The following GIPC2 variants were observed in gnomAD, a reference collection of about 807,000 sequenced individuals.
GIPC2 encodes the protein PDZ domain-containing protein GIPC2.
Under a neutral mutation model 30.6 loss-of-function variants are expected in GIPC2, and 30 were observed. The ratio of observed to expected loss-of-function variants is 0.98; its 90% CI spans 0.73 to 1.33. The LOEUF (loss-of-function observed/expected upper bound fraction) is 1.33, where lower values mean the gene tolerates loss of function less well. Among genes scored for constraint, GIPC2 ranks in the 40% most tolerant of loss-of-function variants. The probability of loss-of-function intolerance (pLI) is 0.00; values close to 1 mark genes in which losing one functional copy is unlikely to be tolerated. For missense variants in GIPC2, 414 were observed against 390.3 expected (o/e 1.06, Z -0.51); for synonymous variants, 167 against 150.0 (o/e 1.11, Z -0.83).
intron 2 of GIPC2, among the ~76,000 whole-genome samples, chr1:78,094,225 C>G (rs1662095741): frequency 6.6e-6 from 1 of 152,186 alleles, no homozygotes; most frequent in Admixed American, 6.5e-5. Context: ...AAAGCTCAAG[C>G]TCTATTCTTA....
chr1:78,074,696 T>C (rs970092552), intron 1 of GIPC2, among the ~76,000 whole-genome samples: 2 of 152,230 alleles, frequency 1.3e-5, no homozygotes, highest in Non-Finnish European at 2.9e-5. Context: ...CTTACGTTTC[T>C]TTTTCTCTTC....
At chr1:78,092,030 G>A (rs1662051236) in intron 2 of GIPC2, 2 of 1,528,774 alleles carry the variant, frequency 1.3e-6, no homozygotes, top group Non-Finnish European at 1.8e-6. Context: ...AGGACTCATC[G>A]CCCTCCTGTC....
intron 3 of GIPC2, among the ~76,000 whole-genome samples, chr1:78,109,226 G>A (rs552633418): frequency 9.8e-5 from 15 of 152,312 alleles, no homozygotes; most frequent in Admixed American, 5.9e-4. Context: ...TGACCTTGCG[G>A]CCTTTAGTCA....
At chr1:78,132,906 G>A (rs1249211021) in intron 5 of GIPC2, among the ~76,000 whole-genome samples, 1 of 151,926 alleles carries the variant, frequency 6.6e-6, no homozygotes, top group Non-Finnish European at 1.5e-5. Flanking sequence ...TAATCTTTAG[G>A]TAGTTGTCTT....
chr1:78,103,454 T>G (rs969892452), intron 3 of GIPC2, among the ~76,000 whole-genome samples: 2 of 152,198 alleles, frequency 1.3e-5, no homozygotes, highest in Non-Finnish European at 2.9e-5. Context: ...AACAGTGTTA[T>G]GTAATTGCAA....
intron 3 of GIPC2, among the ~76,000 whole-genome samples, chr1:78,100,462 A>G (rs898172879): frequency 2.6e-5 from 4 of 152,180 alleles, no homozygotes; most frequent in African/African-American, 4.8e-5. Context: ...GGAAGGAGAG[A>G]CTGCAAATGA....
At chr1:78,068,773 A>AT (rs1196551642) in intron 1 of GIPC2, among the ~76,000 whole-genome samples, 1 of 152,176 alleles carries the variant, frequency 6.6e-6, no homozygotes, top group Admixed American at 6.5e-5. Flanking sequence ...CATTATAGGC[A>AT]TTTTTTGGAA....
intron 1 of GIPC2, among the ~76,000 whole-genome samples, chr1:78,067,178 A>T (rs1444097113): frequency 6.6e-6 from 1 of 152,110 alleles, no homozygotes; most frequent in Non-Finnish European, 1.5e-5. Context: ...GGGTGGAATG[A>T]TAGGGAAGCA....
chr1:78,102,992 T>C (rs1413754810), intron 3 of GIPC2, among the ~76,000 whole-genome samples: 1 of 152,210 alleles, frequency 6.6e-6, no homozygotes, highest in African/African-American at 2.4e-5. Flanking sequence ...TAATAGTAGC[T>C]GCCATTCGCT....
At chr1:78,069,091 G>T in intron 1 of GIPC2, 16 of 985,314 alleles carry the variant, frequency 1.6e-5, no homozygotes, top group Non-Finnish European at 1.9e-5. Context: ...TGAGAGTAGG[G>T]AACAGGTTGC....
chr1:78,091,072 C>G (rs1487353865), intron 2 of GIPC2, among the ~76,000 whole-genome samples: 1 of 151,842 alleles, frequency 6.6e-6, no homozygotes, highest in African/African-American at 2.4e-5. Context: ...GGTTCTATAC[C>G]TTTTTTAAAA....
intron 3 of GIPC2, among the ~76,000 whole-genome samples, chr1:78,102,661 T>C (rs1041291680): frequency 5.9e-5 from 9 of 152,208 alleles, no homozygotes; most frequent in Admixed American, 5.9e-4. Context: ...GGTCTCCTCA[T>C]ACAAAATGTG....
At chr1:78,112,483 A>G (rs369155318) in intron 3 of GIPC2, 23 of 518,970 alleles carry the variant, frequency 4.4e-5, no homozygotes, top group Middle Eastern at 3.2e-4. Context: ...TGCCCACTTC[A>G]TGTTGAAATT....
chr1:78,086,696 T>G (rs747129508), intron 2 of GIPC2, among the ~76,000 whole-genome samples: 2 of 152,204 alleles, frequency 1.3e-5, no homozygotes, highest in Non-Finnish European at 2.9e-5. Flanking sequence ...CTCTGTCTTT[T>G]TTGATCTTTG....
intron 3 of GIPC2, among the ~76,000 whole-genome samples, chr1:78,106,503 T>C (rs1662355999): frequency 6.6e-6 from 1 of 151,888 alleles, no homozygotes; most frequent in African/African-American, 2.4e-5. Context: ...GGGCTTGCAG[T>C]GAGCAGAGAT....
chr1:78,122,457 C>T lies in GIPC2; in HGVS notation c.714+2958C>T, dbSNP rs112564991. Among the ~76,000 whole-genome samples the T allele has an allele frequency of 3.2e-3, 482 of 152,248 alleles. 1 individual carries two copies. The highest frequency in any genetic ancestry group is 0.011 in the African/African-American group (460 of 41,526). The stretch of plus-strand genomic sequence containing the variant: ...AAGAGGTTTAATTGACTCACATTTC[C>T]GCATGGCTGGGAGACCTCAAGAAAC... On this transcript the variant is annotated intron_variant, in intron 4 of 5. Coordinates refer to ENST00000370759, the MANE Select transcript of GIPC2 (RefSeq NM_017655.6).
intron 2 of GIPC2, among the ~76,000 whole-genome samples, chr1:78,085,898 T>G (rs538285459): frequency 2.3e-5 from 1 of 43,046 alleles, no homozygotes; most frequent in East Asian, 3.4e-4. Flanking sequence ...CTTTTGAATG[T>G]TTTTTTTTTT....
intron 3 of GIPC2, among the ~76,000 whole-genome samples, chr1:78,103,182 A>G (rs539316924): frequency 2.6e-5 from 4 of 152,332 alleles, no homozygotes; most frequent in Admixed American, 2.0e-4. Context: ...TGCTGTCCTC[A>G]GGGAACTTAC....
At chr1:78,076,564 A>T (rs1199852283) in intron 1 of GIPC2, among the ~76,000 whole-genome samples, 2 of 152,056 alleles carry the variant, frequency 1.3e-5, no homozygotes, top group Non-Finnish European at 2.9e-5. Flanking sequence ...TCATGCTCCT[A>T]TGAGAGTGTA....
Sources: gnomAD v4.1 joint callset for allele counts (sites outside exome capture counted in the v4.1 genomes callset) on GRCh38, gnomAD v4.1.1 for gene constraint, MANE v1.5 for transcripts, NCBI Gene and HGNC (gene_info 2026-07-23, HGNC 2026-07-21) for gene names.